The following ITPRID1 variants were observed in gnomAD, a reference collection of about 807,000 sequenced individuals.
The protein encoded by ITPRID1 is ITPR interacting domain containing 1.
In ITPRID1, 96 loss-of-function variants were observed where a neutral mutation model predicts 95.4. The ratio of observed to expected loss-of-function variants is 1.01; its 90% confidence interval spans 0.85 to 1.19. ITPRID1 has a LOEUF of 1.19. Ranked by LOEUF, ITPRID1 falls within the 50% of genes most tolerant of loss-of-function variation. ITPRID1 has a pLI of 0.00. For missense variants in ITPRID1, 1,339 were observed against 1,252.9 expected (o/e 1.07, Z -1.04); for synonymous variants, 510 against 453.6 (o/e 1.12, Z -1.58).
intron 13 of ITPRID1, 110 bp from the exon 14 acceptor site, chr7:31,651,829 A>T (rs1205721848): frequency 2.8e-6 from 2 of 714,736 alleles, no homozygotes; most frequent in Non-Finnish European, 4.7e-6. Context: ...TAAAGATGAC[A>T]TTCTCTTTTA....
Position 31,590,052 on chromosome 7 carries a change from G to GTA in ITPRID1, c.1228+6870_1228+6871dup, listed in dbSNP as rs559863071. Among the ~76,000 whole-genome samples the GTA allele has an allele frequency of 1.8e-4, 27 of 152,100 alleles. No homozygotes were observed. In the South Asian group the frequency reaches 4.6e-3, roughly 26 times the overall value. On this transcript the variant is annotated intron_variant, in intron 10 of 14. Coordinates refer to ENST00000615280, the MANE Select transcript of ITPRID1 (RefSeq NM_001257967.3). Reference sequence around the variant, plus strand: ...AAAATTTATATACATATATATGTGTGTATATATATACACACATATATAGTT... The same window carrying GTA: ...AAAATTTATATACATATATATGTGTGTATATATATATACACACATATATAGTT...
intron 3 of ITPRID1, among the ~76,000 whole-genome samples, chr7:31,553,912 A>G (rs907846314): frequency 3.3e-5 from 5 of 152,324 alleles, no homozygotes; most frequent in Admixed American, 1.3e-4. Flanking sequence ...TGTTGAGCCA[A>G]TGATAAAGAT....
At chr7:31,620,257 G>A (rs974588477) in intron 10 of ITPRID1, among the ~76,000 whole-genome samples, 19 of 152,144 alleles carry the variant, frequency 1.2e-4, no homozygotes, top group African/African-American at 4.6e-4. Context: ...AGAGAGCAGT[G>A]GTTCTCCCAG....
At chr7:31,587,846 A>G (rs1320278110) in intron 10 of ITPRID1, among the ~76,000 whole-genome samples, 2 of 151,596 alleles carry the variant, frequency 1.3e-5, no homozygotes, top group Non-Finnish European at 2.9e-5. Context: ...CATATCTACA[A>G]CTATCTGATC....
intron 1 of ITPRID1, among the ~76,000 whole-genome samples, chr7:31,519,618 C>CTATATA (rs1436134437): frequency 2.0e-3 from 64 of 31,690 alleles, no homozygotes; most frequent in African/African-American, 3.8e-3. Flanking sequence ...CTCTCTCTCT[C>CTATATA]TCTATATATA....
At chr7:31,583,597 C>T (rs1484856720) in intron 10 of ITPRID1, among the ~76,000 whole-genome samples, 1 of 152,110 alleles carries the variant, frequency 6.6e-6, no homozygotes, top group Admixed American at 6.6e-5. Flanking sequence ...CACTGCACTC[C>T]AGCCCGGGCA....
At chr7:31,591,034 T>G (rs1240046785) in intron 10 of ITPRID1, among the ~76,000 whole-genome samples, 1 of 151,928 alleles carries the variant, frequency 6.6e-6, no homozygotes, top group Non-Finnish European at 1.5e-5. Context: ...GGAAAAGGAG[T>G]CCCTTGCATC....
intron 10 of ITPRID1, among the ~76,000 whole-genome samples, chr7:31,623,570 ACT>A (rs1295652092): frequency 1.3e-5 from 2 of 151,108 alleles, no homozygotes; most frequent in Non-Finnish European, 2.9e-5. Flanking sequence ...CATACTAAAA[ACT>A]CTCAATAAAT....
intron 12 of ITPRID1, among the ~76,000 whole-genome samples, chr7:31,650,170 T>G (rs2128218803): frequency 6.6e-6 from 1 of 152,338 alleles, no homozygotes; most frequent in South Asian, 2.1e-4. Flanking sequence ...ACTTGTGAGT[T>G]GTAAGAAATA....
chr7:31,523,526 T>C (rs996123093), intron 1 of ITPRID1, among the ~76,000 whole-genome samples: 2 of 152,204 alleles, frequency 1.3e-5, no homozygotes, highest in African/African-American at 2.4e-5. Flanking sequence ...AAATCTCATG[T>C]TGAAATGGGA....
chr7:31,636,185 C>A (rs1583679505), intron 10 of ITPRID1, among the ~76,000 whole-genome samples: 2 of 152,250 alleles, frequency 1.3e-5, no homozygotes, highest in East Asian at 3.9e-4. Context: ...CCACCAGGTC[C>A]CTCCCATGAC....
chr7:31,627,250 A>G (rs1030822946), intron 10 of ITPRID1, among the ~76,000 whole-genome samples: 9 of 152,244 alleles, frequency 5.9e-5, no homozygotes, highest in African/African-American at 2.2e-4. Context: ...AAGTGAGACT[A>G]CATCAAATAA....
Position 31,654,333 on chromosome 7 carries a change from G to A in ITPRID1, c.*1504G>A, listed in dbSNP as rs188211136. On this transcript the variant is annotated 3_prime_UTR_variant, in exon 15 of 15. Coordinates refer to ENST00000615280, the MANE Select transcript of ITPRID1 (RefSeq NM_001257967.3). ...AGAGATAGCCAGTGCTGCTCAGTGCGGTGGGGCATGGAGATGGAGGGAGGG... is the reference window on the plus strand; with the variant it reads ...AGAGATAGCCAGTGCTGCTCAGTGCAGTGGGGCATGGAGATGGAGGGAGGG... Among the ~76,000 whole-genome samples, 85 of 152,262 alleles carry A rather than the reference G, an allele frequency of 5.6e-4. No homozygotes were observed. Among genetic ancestry groups the A allele is most frequent in the East Asian group, 5.0e-3 (26 of 5,172 alleles).
At chr7:31,571,588 T>C (rs1204067392) in intron 6 of ITPRID1, among the ~76,000 whole-genome samples, 1 of 152,228 alleles carries the variant, frequency 6.6e-6, no homozygotes, top group East Asian at 1.9e-4. Context: ...GATAGTGATG[T>C]TCATTTTTTC....
At position 31,603,816 on chromosome 7, in the gene ITPRID1, G is replaced by A. The variant is rs530394006; in HGVS notation, c.1228+20625G>A. 7.2e-4 allele frequency among the ~76,000 whole-genome samples: 110 copies of A among 152,162 alleles called. 1 individual carries two copies. Among genetic ancestry groups the A allele is most frequent in the African/African-American group, 2.6e-3 (106 of 41,516 alleles). On this transcript the variant is annotated intron_variant, in intron 10 of 14. Transcript: ENST00000615280. ...AATTTTGCATCTCTGTAGCTACATTGCTCCTTTTTTCAGACTTCACTTCCA... is the reference window on the plus strand; with the variant it reads ...AATTTTGCATCTCTGTAGCTACATTACTCCTTTTTTCAGACTTCACTTCCA...
rs371842462 is a variant in ITPRID1, at chr7:31,653,155, T to C, written c.*326T>C. 7.2e-5 allele frequency: 21 copies of C among 292,356 alleles called. No individual in the cohort carries two copies. Among genetic ancestry groups the C allele is most frequent in the African/African-American group, 3.8e-4 (18 of 47,174 alleles). 18.1% of individuals were successfully genotyped at this position (292,356 alleles called of 1,614,324 possible). On this transcript the variant is annotated 3_prime_UTR_variant, in exon 15 of 15. Transcript: ENST00000615280. ...AGTATCTGAGACAGACCTCAGTCAA[T>C]ATAGAAGTTTATTTTGCCAAGGTTA...
chr7:31,652,592 C>G lies in ITPRID1; in HGVS notation c.2898C>G (p.Ser966Arg), dbSNP rs748057301. The G allele has an allele frequency of 6.2e-7, 1 of 1,612,734 alleles. No individual in the cohort carries two copies. Among genetic ancestry groups the G allele is most frequent in the South Asian group, 1.1e-5 (1 of 90,820 alleles). The change falls in exon 15 of 15, where the codon AGC (serine) becomes AGG (arginine). Residue 966 changes from serine (S) to arginine (R), a missense_variant. Transcript: ENST00000615280. ...NLHQYNWIEE[S>R]NGQTSCSKIH... is the part of the protein sequence containing the mutation. ...ATCAATATAACTGGATAGAAGAAAG[C>G]AATGGGCAGACTTCATGTTCTAAAA... is the stretch of plus-strand genomic sequence containing the variant.
chr7:31,519,602 CTCTCTCTCTCTCTCTCTCTA>C (rs1206488620), intron 1 of ITPRID1, among the ~76,000 whole-genome samples: 41 of 57,210 alleles, frequency 7.2e-4, no homozygotes, highest in African/African-American at 2.5e-3. Flanking sequence ...CTCTCTCTCT[CTCTCTCTCTCTCTCTCTCTA>C]TATATATATA....
chr7:31,599,613 CT>C, intron 10 of ITPRID1, among the ~76,000 whole-genome samples: 1 of 54,418 alleles, frequency 1.8e-5, no homozygotes, highest in Admixed American at 1.7e-4. Context: ...TTCTTTCTTT[CT>C]TTCTTTCTTT....
Sources: gnomAD v4.1 joint callset for allele counts (sites outside exome capture counted in the v4.1 genomes callset) on GRCh38, gnomAD v4.1.1 for gene constraint, MANE v1.5 for transcripts, NCBI Gene and HGNC (gene_info 2026-07-23, HGNC 2026-07-21) for gene names.